The following DTNA variants were observed in gnomAD, a reference collection of about 807,000 sequenced individuals.
DTNA encodes dystrobrevin alpha.
Under a neutral mutation model 100.7 loss-of-function variants are expected in DTNA, and 43 were observed. That is an observed-to-expected ratio of 0.43 (90% confidence interval 0.33 to 0.55). The LOEUF (loss-of-function observed/expected upper bound fraction) is 0.55. DTNA is among the 20% of genes least tolerant of loss of function. The pLI is 0.04. For missense variants in DTNA, 798 were observed against 953.9 expected, an observed-to-expected ratio of 0.84 and a Z score of 2.15; for synonymous variants, 349 against 347.9, an observed-to-expected ratio of 1.00 and a Z score of -0.04.
At chr18:34,746,174 T>C (rs1170560182) in intron 1 of DTNA, among the ~76,000 whole-genome samples, 1 of 149,044 alleles carries the variant, frequency 6.7e-6, no homozygotes, top group African/African-American at 2.5e-5. Flanking sequence ...AAAAAAACAG[T>C]CTTCTAATTT....
chr18:34,593,359 G>C (rs1428760278), intron 1 of DTNA: 1 of 152,232 alleles, frequency 6.6e-6, no homozygotes, highest in Non-Finnish European at 1.5e-5. Flanking sequence ...CCAGGATCTA[G>C]AGGCTGGATT....
chr18:34,579,053 A>G (rs986975167), intron 1 of DTNA, among the ~76,000 whole-genome samples: 3 of 151,996 alleles, frequency 2.0e-5, no homozygotes, highest in Admixed American at 6.6e-5. Flanking sequence ...CTACACCTCA[A>G]TGGAGTGTTT....
At chr18:34,538,011 A>C (rs2043885034) in intron 1 of DTNA, among the ~76,000 whole-genome samples, 1 of 152,054 alleles carries the variant, frequency 6.6e-6, no homozygotes, top group Non-Finnish European at 1.5e-5. Context: ...TTTAAAAATA[A>C]GTGTAAGAAA....
intron 17 of DTNA, chr18:34,866,702 TGAGA>T (rs2096708656): frequency 5.0e-6 from 5 of 997,016 alleles, no homozygotes; most frequent in Admixed American, 5.4e-5. Context: ...CTCAATTTTG[TGAGA>T]GAAAGACTGT....
intron 1 of DTNA, among the ~76,000 whole-genome samples, chr18:34,695,131 C>T (rs1397408256): frequency 1.3e-5 from 2 of 152,108 alleles, no homozygotes; most frequent in East Asian, 1.9e-4. Context: ...ATTCTCCCTC[C>T]GTACAGTGCT....
chr18:34,568,058 A>T (rs1000062447), intron 1 of DTNA, among the ~76,000 whole-genome samples: 1 of 152,222 alleles, frequency 6.6e-6, no homozygotes, highest in Non-Finnish European at 1.5e-5. Context: ...TTCTATAGAA[A>T]TAGGAATACT....
At chr18:34,570,657 AATT>A (rs1057108409) in intron 1 of DTNA, among the ~76,000 whole-genome samples, 1 of 152,238 alleles carries the variant, frequency 6.6e-6, no homozygotes, top group African/African-American at 2.4e-5. Context: ...TATCTGGAGA[AATT>A]ATACTAGCAA....
At chr18:34,506,087 G>T (rs2040460332) in intron 1 of DTNA, among the ~76,000 whole-genome samples, 1 of 152,134 alleles carries the variant, frequency 6.6e-6, no homozygotes, top group African/African-American at 2.4e-5. Flanking sequence ...GGGCAAAGTG[G>T]GTCTTCACTG....
At chr18:34,666,893 T>C (rs913521518) in intron 1 of DTNA, among the ~76,000 whole-genome samples, 2 of 152,208 alleles carry the variant, frequency 1.3e-5, no homozygotes, top group Non-Finnish European at 2.9e-5. Context: ...TAGGATTGAC[T>C]TGGCGATGCG....
intron 1 of DTNA, among the ~76,000 whole-genome samples, chr18:34,558,928 G>A (rs2046383409): frequency 1.3e-5 from 2 of 152,194 alleles, no homozygotes; most frequent in African/African-American, 4.8e-5. Context: ...GATGGAGATG[G>A]TTGACAGACT....
intron 1 of DTNA, among the ~76,000 whole-genome samples, chr18:34,724,174 A>G (rs1473704592): frequency 2.0e-5 from 3 of 152,224 alleles, no homozygotes; most frequent in Non-Finnish European, 2.9e-5. Context: ...TGTATCAATG[A>G]CTTGACAATA....
Position 34,728,185 on chromosome 18 carries a change from A to G in DTNA, c.-2+17740A>G, listed in dbSNP as rs539937776. Among the ~76,000 whole-genome samples, 66 of 152,328 alleles carry G rather than the reference A, an allele frequency of 4.3e-4. No homozygotes were observed. In the South Asian group the frequency reaches 0.013, roughly 31 times the overall value. On this transcript the variant is annotated intron_variant, in intron 1 of 22. Coordinates refer to ENST00000444659, the MANE Select transcript of DTNA (RefSeq NM_001386795.1). The stretch of plus-strand genomic sequence containing the variant: ...AGAAGCAAGAAGACTATCAGCTGCA[A>G]TGTTAATAGTATGGTTTTTATCTTC...
chr18:34,648,049 C>T (rs1183997221), intron 1 of DTNA, among the ~76,000 whole-genome samples: 2 of 152,058 alleles, frequency 1.3e-5, no homozygotes, highest in African/African-American at 2.4e-5. Context: ...TAGGAGTTAG[C>T]AAAAAGAAGA....
At chr18:34,690,965 A>G (rs1197490799) in intron 1 of DTNA, among the ~76,000 whole-genome samples, 1 of 152,202 alleles carries the variant, frequency 6.6e-6, no homozygotes, top group African/African-American at 2.4e-5. Context: ...GGTTCACAGA[A>G]GTTAAATAAC....
In DTNA at chr18:34,747,675, AT is replaced by A. The variant is rs371381632; in HGVS notation, c.-1-8294del. 2.1e-3 allele frequency among the ~76,000 whole-genome samples: 321 copies of A among 152,232 alleles called. 2 individuals are homozygous for A. The highest frequency in any genetic ancestry group is 7.0e-3 in the African/African-American group (290 of 41,540). The stretch of plus-strand genomic sequence containing the variant: ...ATGTTGCTCCAAAATACATTATTTC[AT>A]TTTTTTATGGCCAAGTAGTATTCCA... On this transcript the variant is annotated intron_variant, in intron 1 of 22. Transcript: ENST00000444659.
intron 1 of DTNA, among the ~76,000 whole-genome samples, chr18:34,567,691 A>G (rs935561600): frequency 1.3e-5 from 2 of 152,148 alleles, no homozygotes; most frequent in African/African-American, 4.8e-5. Flanking sequence ...TTAAAAAAAA[A>G]TTTTACCTAA....
At chr18:34,737,595 A>G (rs9951780) in intron 1 of DTNA, among the ~76,000 whole-genome samples, 20,419 of 152,126 alleles carry the variant, frequency 0.13, 2,151 homozygotes, top group African/African-American at 0.3. Flanking sequence ...CGATGTGTGA[A>G]TTCTCACTTC....
intron 1 of DTNA, among the ~76,000 whole-genome samples, chr18:34,598,635 G>T (rs2051131526): frequency 6.6e-6 from 1 of 152,128 alleles, no homozygotes; most frequent in Non-Finnish European, 1.5e-5. Flanking sequence ...AGGCCGAGAC[G>T]GGTGGATCAC....
At chr18:34,841,911 T>G (rs997456579) in intron 13 of DTNA, among the ~76,000 whole-genome samples, 4 of 152,204 alleles carry the variant, frequency 2.6e-5, no homozygotes, top group Non-Finnish European at 4.4e-5. Context: ...AGTTTGCTGC[T>G]AAAGAAACAC....
Sources: allele counts gnomAD v4.1 joint callset (sites outside exome capture counted in the v4.1 genomes callset), GRCh38; gene constraint gnomAD v4.1.1; transcripts MANE v1.5; gene names NCBI Gene and HGNC (gene_info 2026-07-23, HGNC 2026-07-21).